CSMD1: variants seen among roughly 807,000 people sequenced by gnomAD.
CSMD1 encodes CUB and sushi domain-containing protein 1.
In CSMD1, 213 loss-of-function variants were observed where a neutral mutation model predicts 417.5. The observed-to-expected ratio is 0.51, with a 90% CI of 0.46 to 0.57. The LOEUF (loss-of-function observed/expected upper bound fraction) is 0.57. CSMD1 is among the 20% of genes least tolerant of loss of function. The pLI is 0.00. For synonymous variants in CSMD1, 2,862 were observed against 1,736.8 expected (o/e 1.65, Z -16.11); for missense variants, 6,923 against 4,529.7 (o/e 1.53, Z -15.17).
intron 5 of CSMD1, among the ~76,000 whole-genome samples, chr8:3,968,692 C>G (rs951379732): frequency 3.3e-5 from 5 of 152,134 alleles, no homozygotes; most frequent in African/African-American, 1.2e-4. Context: ...ATTAAGCTTG[C>G]TCTTACTACA....
intron 5 of CSMD1, among the ~76,000 whole-genome samples, chr8:3,989,169 T>C (rs905743474): frequency 6.6e-6 from 1 of 152,226 alleles, no homozygotes; most frequent in Non-Finnish European, 1.5e-5. Context: ...AAGCGTCTGC[T>C]CATTTGCTCT....
rs527939408 is a variant in CSMD1, at chr8:3,516,834, G to A, written c.1345-23108C>T. On this transcript the variant is annotated intron_variant, in intron 10 of 69. Transcript: ENST00000635120. ...AATCCCATCGCTGAGTATCTACCCA[G>A]AGGAAAGGAACTCATTATTTGATAA... Among the ~76,000 whole-genome samples the A allele has an allele frequency of 1.1e-3, 168 of 152,264 alleles. 1 individual carries two copies. Among genetic ancestry groups the A allele is most frequent in the African/African-American group, 3.8e-3 (157 of 41,546 alleles).
At chr8:4,486,791 C>T (rs866605160) in intron 2 of CSMD1, among the ~76,000 whole-genome samples, 7 of 152,174 alleles carry the variant, frequency 4.6e-5, no homozygotes, top group Admixed American at 3.9e-4. Flanking sequence ...ATCCTGAAAA[C>T]TGCCTCTGCT....
chr8:3,082,085 T>C (rs1814144049), intron 49 of CSMD1, among the ~76,000 whole-genome samples: 1 of 152,214 alleles, frequency 6.6e-6, no homozygotes, highest in Non-Finnish European at 1.5e-5. Context: ...GACTGTGGAC[T>C]CTGTTTCCTA....
chr8:4,307,605 A>G (rs1304100547), intron 3 of CSMD1, among the ~76,000 whole-genome samples: 1 of 152,168 alleles, frequency 6.6e-6, no homozygotes, highest in Admixed American at 6.5e-5. Context: ...TACCCACCCA[A>G]CTTGTGAAAT....
At chr8:4,704,386 A>G (rs904952475) in intron 1 of CSMD1, among the ~76,000 whole-genome samples, 1 of 152,218 alleles carries the variant, frequency 6.6e-6, no homozygotes, top group Non-Finnish European at 1.5e-5. Flanking sequence ...TAAGAATCTC[A>G]GTTGTTTATT....
chr8:4,690,790 G>A (rs1221267700), intron 1 of CSMD1, among the ~76,000 whole-genome samples: 1 of 152,140 alleles, frequency 6.6e-6, no homozygotes, highest in Non-Finnish European at 1.5e-5. Flanking sequence ...GTTCACTGGT[G>A]CGATCTCGGC....
At chr8:3,617,152 G>C (rs1017411102) in intron 7 of CSMD1, among the ~76,000 whole-genome samples, 3 of 152,130 alleles carry the variant, frequency 2.0e-5, no homozygotes, top group Non-Finnish European at 2.9e-5. Context: ...TACACTTAGA[G>C]AGAAGAAAGT....
chr8:4,565,781 T>C lies in CSMD1; in HGVS notation c.302+71561A>G, dbSNP rs1052158241. ...ATATATATATATATATATATATATA[T>C]ATATATATATATATATGTATACATA... is the stretch of plus-strand genomic sequence containing the variant. On this transcript the variant is annotated intron_variant, in intron 2 of 69. Coordinates refer to ENST00000635120, the MANE Select transcript of CSMD1 (RefSeq NM_033225.6). Among the ~76,000 whole-genome samples, 391 of 128,052 alleles carry C rather than the reference T, an allele frequency of 3.1e-3. 6 individuals carry two copies. Among genetic ancestry groups the C allele is most frequent in the Non-Finnish European group, 4.2e-3 (250 of 58,910 alleles). 84.0% of individuals were successfully genotyped at this position (128,052 alleles called of 152,430 possible). A position where few individuals can be genotyped will look rare whatever the true frequency, so the allele number is the denominator to read the frequency against.
chr8:4,207,065 A>T (rs1195106936), intron 3 of CSMD1, among the ~76,000 whole-genome samples: 1 of 152,152 alleles, frequency 6.6e-6, no homozygotes, highest in Non-Finnish European at 1.5e-5. Flanking sequence ...CATTTGCAAG[A>T]GGTGTATTAT....
chr8:4,011,328 T>G (rs971507500), intron 4 of CSMD1, among the ~76,000 whole-genome samples: 1 of 152,198 alleles, frequency 6.6e-6, no homozygotes, highest in African/African-American at 2.4e-5. Flanking sequence ...CGTGCTCCAA[T>G]TGCCCCCATT....
chr8:3,748,847 T>C (rs1309519699), intron 6 of CSMD1, among the ~76,000 whole-genome samples: 1 of 152,200 alleles, frequency 6.6e-6, no homozygotes, highest in Non-Finnish European at 1.5e-5. Flanking sequence ...AACAAACTAA[T>C]TATTTGTGTC....
At chr8:3,675,354 T>G (rs1799318795) in intron 7 of CSMD1, among the ~76,000 whole-genome samples, 1 of 152,192 alleles carries the variant, frequency 6.6e-6, no homozygotes, top group Non-Finnish European at 1.5e-5. Flanking sequence ...CCATGTAGCC[T>G]CCATAGTAAG....
intron 3 of CSMD1, among the ~76,000 whole-genome samples, chr8:4,077,933 C>T (rs947281688): frequency 6.6e-6 from 1 of 152,110 alleles, no homozygotes; most frequent in East Asian, 1.9e-4. Context: ...ATCACAAAAT[C>T]CTTTACATAC....
At chr8:3,799,699 C>A (rs1390260788) in intron 5 of CSMD1, among the ~76,000 whole-genome samples, 1 of 151,288 alleles carries the variant, frequency 6.6e-6, no homozygotes, top group Admixed American at 6.6e-5. Context: ...ACAGTTAAGT[C>A]TGCCAGCTGA....
intron 5 of CSMD1, among the ~76,000 whole-genome samples, chr8:3,848,216 G>A (rs1447052484): frequency 6.6e-6 from 1 of 152,132 alleles, no homozygotes; most frequent in African/African-American, 2.4e-5. Context: ...GAAGTTGTCA[G>A]GACATTGATC....
chr8:4,263,925 G>C (rs1389972441), intron 3 of CSMD1, among the ~76,000 whole-genome samples: 19 of 152,108 alleles, frequency 1.2e-4, no homozygotes, highest in Admixed American at 1.2e-3. Context: ...TCTAAATACA[G>C]TGTTTTTCTA....
chr8:3,536,477 T>C (rs1159990489), intron 10 of CSMD1, among the ~76,000 whole-genome samples: 1 of 152,166 alleles, frequency 6.6e-6, no homozygotes, highest in Non-Finnish European at 1.5e-5. Flanking sequence ...GGTTTCCTCT[T>C]TGATTAATGG....
intron 1 of CSMD1, among the ~76,000 whole-genome samples, chr8:4,638,905 C>A (rs549318528): frequency 6.6e-6 from 1 of 152,280 alleles, no homozygotes; most frequent in Non-Finnish European, 1.5e-5. Flanking sequence ...TCTAACAAAG[C>A]ACTTCTCAGG....
Sources: gnomAD v4.1 joint callset for allele counts (sites outside exome capture counted in the v4.1 genomes callset) on GRCh38, gnomAD v4.1.1 for gene constraint, MANE v1.5 for transcripts, NCBI Gene and HGNC (gene_info 2026-07-23, HGNC 2026-07-21) for gene names.